LAPTM4B: variants seen among roughly 807,000 people sequenced by gnomAD.
The protein encoded by LAPTM4B is lysosomal protein transmembrane 4 beta, also known as lysosomal-associated transmembrane protein 4B.
LAPTM4B carries 26 observed loss-of-function variants against 28.5 expected under a neutral mutation model. The ratio of observed to expected loss-of-function variants is 0.91; its 90% confidence interval spans 0.67 to 1.27. The LOEUF (loss-of-function observed/expected upper bound fraction) is 1.27, where lower values mean the gene tolerates loss of function less well. Among genes scored for constraint, LAPTM4B ranks in the 50% most tolerant of loss-of-function variants. The probability of loss-of-function intolerance (pLI) is 0.00; values close to 1 mark genes in which losing one functional copy is unlikely to be tolerated. For missense variants in LAPTM4B, 288 were observed against 285.8 expected (o/e 1.01, Z -0.06); for synonymous variants, 109 against 106.4 (o/e 1.02, Z -0.15).
At position 97,787,287 on chromosome 8, in the gene LAPTM4B, C is replaced by CTTT. The variant is rs777122592; in HGVS notation, c.99+11193_99+11195dup. 1.3e-3 allele frequency among the ~76,000 whole-genome samples: 169 copies of CTTT among 129,528 alleles called. 1 individual carries two copies. Among genetic ancestry groups the CTTT allele is most frequent in the East Asian group, 0.012 (38 of 3,142 alleles). The allele number at this position is 129,528 out of a possible 152,430, so 85.0% of individuals were successfully genotyped here. On this transcript the variant is annotated intron_variant, in intron 1 of 6. Transcript: ENST00000521545. ...GAGGGAGGCTAGGAGATGTTTCTTT[C>CTTT]TTTTTTTTTTTTTTTTGAGACTGAG...
chr8:97,815,978 T>G lies in LAPTM4B; in HGVS notation c.286-80T>G, dbSNP rs899627717. Reference sequence around the variant, plus strand: ...CCAATTTTTCCATTTCCTTTCAGATTAATAAAATACTTTGAATTTAAGAAA... The same window carrying G: ...CCAATTTTTCCATTTCCTTTCAGATGAATAAAATACTTTGAATTTAAGAAA... On this transcript the variant is annotated intron_variant, in intron 3 of 6. Transcript: ENST00000521545. The G allele has an allele frequency of 2.5e-5, 33 of 1,313,958 alleles. No homozygotes were observed. In the African/African-American group the frequency reaches 5.5e-4, roughly 22 times the overall value. The allele number at this position is 1,313,958 out of a possible 1,614,324, so 81.4% of individuals were successfully genotyped here.
intron 2 of LAPTM4B, among the ~76,000 whole-genome samples, chr8:97,807,110 C>CT (rs1816766730): frequency 1.3e-5 from 2 of 152,292 alleles, no homozygotes; most frequent in African/African-American, 4.8e-5. Context: ...TGAAAACAGA[C>CT]TAATACAGGT....
At chr8:97,797,952 A>C (rs1816615940) in intron 1 of LAPTM4B, among the ~76,000 whole-genome samples, 2 of 152,228 alleles carry the variant, frequency 1.3e-5, no homozygotes, top group Admixed American at 1.3e-4. Flanking sequence ...ATAGAACAGG[A>C]ACAGTTTGCT....
intron 6 of LAPTM4B, among the ~76,000 whole-genome samples, chr8:97,839,488 C>T (rs2246867): frequency 0.18 from 27,666 of 152,128 alleles, 2,732 homozygotes; most frequent in Middle Eastern, 0.3. Context: ...CCACTGCGCC[C>T]GGCCACCAAC....
rs1816198445 is a variant in LAPTM4B at position 97,775,902 on chromosome 8, G to GAGCCGGAGCGGCGGAGGAGCCGGC, written c.-104_-81dup. ...GCGGGCGCACGGGCGAGCGGGCCGG[G>GAGCCGGAGCGGCGGAGGAGCCGGC]AGCCGGAGCGGCGGAGGAGCCGGCA... is the stretch of plus-strand genomic sequence containing the variant. On this transcript the variant is annotated 5_prime_UTR_variant, in exon 1 of 7. Coordinates refer to ENST00000521545, the MANE Select transcript of LAPTM4B (RefSeq NM_018407.6). 3 of 1,459,186 alleles carry GAGCCGGAGCGGCGGAGGAGCCGGC rather than the reference G, an allele frequency of 2.1e-6. No individual in the cohort carries two copies. Among genetic ancestry groups the GAGCCGGAGCGGCGGAGGAGCCGGC allele is most frequent in the Non-Finnish European group, 2.7e-6 (3 of 1,114,354 alleles). 90.4% of individuals were successfully genotyped at this position (1,459,186 alleles called of 1,614,324 possible). A position where few individuals can be genotyped will look rare whatever the true frequency, so the allele number is the denominator to read the frequency against.
chr8:97,816,214 T>C, intron 4 of LAPTM4B, 34 bp downstream of exon 4: 1 of 1,586,914 alleles, frequency 6.3e-7, no homozygotes, highest in Non-Finnish European at 8.6e-7. Context: ...TTTTCATTAA[T>C]TCTTTTCATT....
intron 2 of LAPTM4B, among the ~76,000 whole-genome samples, chr8:97,814,079 C>T (rs148484595): frequency 1.1e-3 from 171 of 152,214 alleles, no homozygotes; most frequent in African/African-American, 3.9e-3. Flanking sequence ...TGTCCGGGTG[C>T]GGTGACTTAT....
chr8:97,783,164 A>G (rs1024420236), intron 1 of LAPTM4B, among the ~76,000 whole-genome samples: 3 of 149,110 alleles, frequency 2.0e-5, no homozygotes, highest in African/African-American at 7.4e-5. Context: ...TGTGCCAGAC[A>G]CTGTTCACAG....
intron 6 of LAPTM4B, among the ~76,000 whole-genome samples, chr8:97,846,014 A>T (rs1321935530): frequency 6.8e-6 from 1 of 147,862 alleles, no homozygotes; most frequent in Non-Finnish European, 1.5e-5. Flanking sequence ...TTAGCCTCCT[A>T]AGGCTAATTT....
At chr8:97,834,362 T>C (rs2129831784) in intron 6 of LAPTM4B, among the ~76,000 whole-genome samples, 1 of 152,176 alleles carries the variant, frequency 6.6e-6, no homozygotes, top group South Asian at 2.1e-4. Flanking sequence ...TTTGATAAAG[T>C]TTATAAGTAC....
chr8:97,811,983 T>G (rs1321279815), intron 2 of LAPTM4B, among the ~76,000 whole-genome samples: 1 of 151,834 alleles, frequency 6.6e-6, no homozygotes, highest in Non-Finnish European at 1.5e-5. Context: ...TTTTTGTATT[T>G]TTAGTAGAGA....
intron 2 of LAPTM4B, among the ~76,000 whole-genome samples, chr8:97,814,463 G>A (rs1481870416): frequency 6.6e-6 from 1 of 152,030 alleles, no homozygotes; most frequent in African/African-American, 2.4e-5. Flanking sequence ...TGCGGAATTT[G>A]CATTGAGCCA....
chr8:97,842,180 A>G (rs10282842), intron 6 of LAPTM4B, among the ~76,000 whole-genome samples: 94,530 of 152,092 alleles, frequency 0.62, 30,200 homozygotes, highest in African/African-American at 0.75. Flanking sequence ...TTTACTTACA[A>G]ACACTGAATT....
chr8:97,813,012 T>C (rs2129785975), intron 2 of LAPTM4B, among the ~76,000 whole-genome samples: 1 of 152,346 alleles, frequency 6.6e-6, no homozygotes, highest in Non-Finnish European at 1.5e-5. Flanking sequence ...GCTAGTGTCT[T>C]ACTGAAATCG....
At chr8:97,806,812 C>T (rs777651875) in intron 2 of LAPTM4B, among the ~76,000 whole-genome samples, 1 of 152,090 alleles carries the variant, frequency 6.6e-6, no homozygotes, top group Non-Finnish European at 1.5e-5. Context: ...GAAAAATTAG[C>T]CCAGTGTGGT....
intron 1 of LAPTM4B, among the ~76,000 whole-genome samples, chr8:97,794,835 T>C (rs1445227059): frequency 6.6e-6 from 1 of 152,180 alleles, no homozygotes; most frequent in Non-Finnish European, 1.5e-5. Flanking sequence ...TGCCTCAGCC[T>C]CCTGAGTAGC....
At chr8:97,817,402 T>G (rs1442165341) in intron 4 of LAPTM4B, among the ~76,000 whole-genome samples, 1 of 150,534 alleles carries the variant, frequency 6.6e-6, no homozygotes, top group Non-Finnish European at 1.5e-5. Flanking sequence ...CCTCCCAAAG[T>G]GCTGGCATTA....
In LAPTM4B at chr8:97,852,299, G is replaced by A. The variant is rs1464782045; in HGVS notation, c.*825G>A. The A allele has an allele frequency of 1.3e-5, 2 of 152,226 alleles. No individual in the cohort carries two copies. The highest frequency in any genetic ancestry group is 6.5e-5 in the Admixed American group (1 of 15,270). The allele number at this position is 152,226 out of a possible 1,614,324, so 9.4% of individuals were successfully genotyped here. A position where few individuals can be genotyped will look rare whatever the true frequency, so the allele number is the denominator to read the frequency against. ...GGTCATCCAACTGACTTTATCAAGT[G>A]GAATTGGGATATATTTGATATACTT... On this transcript the variant is annotated 3_prime_UTR_variant, in exon 7 of 7. Coordinates refer to ENST00000521545, the MANE Select transcript of LAPTM4B (RefSeq NM_018407.6).
At chr8:97,782,906 T>TTTTTTTTATTTA (rs377520166) in intron 1 of LAPTM4B, among the ~76,000 whole-genome samples, 85 of 135,114 alleles carry the variant, frequency 6.3e-4, no homozygotes, top group African/African-American at 1.3e-3. Context: ...TAATTTTGTA[T>TTTTTTTTATTTA]TTTATTTATT....
Sources: allele counts gnomAD v4.1 joint callset (sites outside exome capture counted in the v4.1 genomes callset), GRCh38; gene constraint gnomAD v4.1.1; transcripts MANE v1.5; gene names NCBI Gene and HGNC (gene_info 2026-07-23, HGNC 2026-07-21).